The following MKLN1 variants were observed in gnomAD, a reference collection of about 807,000 sequenced individuals.
MKLN1 encodes the protein muskelin.
Under a neutral mutation model 99.0 loss-of-function variants are expected in MKLN1, and 18 were observed. That is an observed-to-expected ratio of 0.18 (90% CI 0.13 to 0.27). The LOEUF (loss-of-function observed/expected upper bound fraction) is 0.27. MKLN1 is among the 10% of genes least tolerant of loss of function. The probability of loss-of-function intolerance (pLI) is 1.00; values close to 1 mark genes in which losing one functional copy is unlikely to be tolerated. For synonymous variants in MKLN1, 288 were observed against 293.2 expected (o/e 0.98, Z 0.18); for missense variants, 621 against 875.9 (o/e 0.71, Z 3.67).
intron 3 of MKLN1, among the ~76,000 whole-genome samples, chr7:131,262,801 C>T (rs1257338603): frequency 6.6e-6 from 1 of 152,100 alleles, no homozygotes; most frequent in African/African-American, 2.4e-5. Context: ...CCACCTCGGC[C>T]TCCCAAAGTG....
intron 2 of MKLN1, among the ~76,000 whole-genome samples, chr7:131,182,407 A>G (rs1796389218): frequency 6.6e-6 from 1 of 152,238 alleles, no homozygotes; most frequent in Non-Finnish European, 1.5e-5. Flanking sequence ...TTTGGGCCCA[A>G]AGAACTAGAT....
At chr7:131,200,376 GA>G (rs1477286928) in intron 2 of MKLN1, among the ~76,000 whole-genome samples, 2 of 152,118 alleles carry the variant, frequency 1.3e-5, no homozygotes, top group African/African-American at 2.4e-5. Flanking sequence ...CAAACTCAAA[GA>G]AAACTTTGGT....
rs148202933 is a variant in MKLN1 at position 131,297,914 on chromosome 7, T to C, written c.-178-77510T>C. Among the ~76,000 whole-genome samples the C allele has an allele frequency of 4.6e-5, 7 of 152,298 alleles. No individual in the cohort carries two copies. The South Asian group carries it at 1.5e-3, about 32-fold the overall frequency. On this transcript the variant is annotated intron_variant, in intron 3 of 7. Transcript: ENST00000416992. ...GGAAAGCCCAGCAAGGGAAAAATAA[T>C]GTAATAGGAAATTTTCTTTCTCCTT...
chr7:131,127,294 A>G (rs1430625370), intron 1 of MKLN1, among the ~76,000 whole-genome samples: 1 of 152,226 alleles, frequency 6.6e-6, no homozygotes, highest in East Asian at 1.9e-4. Flanking sequence ...CAGTGTAGCC[A>G]GTGACCACTA....
At chr7:131,424,938 A>AACAGGATATTTACAGGATATTTATGTT in intron 8 of MKLN1, among the ~76,000 whole-genome samples, 1 of 152,190 alleles carries the variant, frequency 6.6e-6, no homozygotes, top group Middle Eastern at 3.4e-3. Flanking sequence ...CCTGTTATTT[A>AACAGGATATTTACAGGATATTTATGTT]ATCCCTTCCA....
In MKLN1 at chr7:131,295,139, A is replaced by AT. The variant is rs200763032; in HGVS notation, c.-178-80277dup. Among the ~76,000 whole-genome samples the AT allele has an allele frequency of 6.8e-3, 1,028 of 152,114 alleles. 11 individuals are homozygous for AT. Among genetic ancestry groups the AT allele is most frequent in the African/African-American group, 0.023 (970 of 41,508 alleles). On this transcript the variant is annotated intron_variant, in intron 3 of 7. Coordinates refer to the MKLN1 transcript ENST00000416992. ...CTATTTTGCAAGAGAGCTAAGGTTT[A>AT]TTTTTTTTAATTTTAATTTTTGCTC...
chr7:131,480,138 T>A (rs1422486644), intron 17 of MKLN1, among the ~76,000 whole-genome samples: 1 of 151,928 alleles, frequency 6.6e-6, no homozygotes, highest in Non-Finnish European at 1.5e-5. Flanking sequence ...TATGATAGCT[T>A]CATTTTTTAC....
At chr7:131,426,088 A>G (rs746196330) in intron 8 of MKLN1, among the ~76,000 whole-genome samples, 1 of 152,238 alleles carries the variant, frequency 6.6e-6, no homozygotes, top group Non-Finnish European at 1.5e-5. Context: ...TAGGAATGAC[A>G]TCTTGGCTTA....
At chr7:131,274,165 A>T (rs190703836) in intron 3 of MKLN1, among the ~76,000 whole-genome samples, 1 of 152,306 alleles carries the variant, frequency 6.6e-6, no homozygotes, top group Admixed American at 6.5e-5. Flanking sequence ...GTGCTGAAAC[A>T]TAAGTTGGGG....
chr7:131,127,168 A>C (rs1215696053), intron 1 of MKLN1, among the ~76,000 whole-genome samples: 1 of 36,416 alleles, frequency 2.7e-5, no homozygotes, highest in Non-Finnish European at 4.6e-5. Context: ...TCCATCTCAA[A>C]AAAAAAAAAA....
chr7:131,280,807 C>G (rs573794756), intron 3 of MKLN1, among the ~76,000 whole-genome samples: 1 of 152,222 alleles, frequency 6.6e-6, no homozygotes, highest in African/African-American at 2.4e-5. Context: ...CACCACCACA[C>G]CCAGCTAATT....
chr7:131,305,419 G>GCT (rs1798440727), intron 3 of MKLN1, among the ~76,000 whole-genome samples: 1 of 152,166 alleles, frequency 6.6e-6, no homozygotes, highest in Non-Finnish European at 1.5e-5. Context: ...TATTTGGGAA[G>GCT]AAATGTGATG....
intron 3 of MKLN1, among the ~76,000 whole-genome samples, chr7:131,277,643 T>C (rs898751136): frequency 1.3e-5 from 2 of 152,134 alleles, no homozygotes; most frequent in Non-Finnish European, 2.9e-5. Context: ...CTCAAACTCT[T>C]GACCTCAAGC....
intron 1 of MKLN1, among the ~76,000 whole-genome samples, chr7:131,131,559 G>A (rs1461267351): frequency 6.6e-6 from 1 of 152,116 alleles, no homozygotes; most frequent in Admixed American, 6.5e-5. Flanking sequence ...TTACAGATGA[G>A]CAAACCAAGG....
chr7:131,205,748 C>T (rs1796800393), intron 3 of MKLN1, among the ~76,000 whole-genome samples: 1 of 152,122 alleles, frequency 6.6e-6, no homozygotes. Context: ...AACCAGGAGC[C>T]ACTGGCTGCT....
In MKLN1 at chr7:131,195,388, G is replaced by A. The variant is rs184736967; in HGVS notation, c.-296-7469G>A. On this transcript the variant is annotated intron_variant, in intron 2 of 7. Coordinates refer to the MKLN1 transcript ENST00000416992. Reference sequence around the variant, plus strand: ...TAGCCAGGCATGGTGGCACGTGCCTGTAATCCCAGCTACTCAGGAGGCTGA... The same window carrying A: ...TAGCCAGGCATGGTGGCACGTGCCTATAATCCCAGCTACTCAGGAGGCTGA... 1.3e-3 allele frequency among the ~76,000 whole-genome samples: 191 copies of A among 152,112 alleles called. 1 individual carries two copies. The highest frequency in any genetic ancestry group is 4.4e-3 in the African/African-American group (181 of 41,492).
intron 3 of MKLN1, among the ~76,000 whole-genome samples, chr7:131,281,197 T>C (rs1798045979): frequency 6.6e-6 from 1 of 151,236 alleles, no homozygotes; most frequent in Non-Finnish European, 1.5e-5. Flanking sequence ...CTATGATCCA[T>C]TTTGAGTTAT....
At position 131,378,392 on chromosome 7, in the gene MKLN1, G is replaced by A. The variant is rs369370106; in HGVS notation, c.168+2899G>A. ...CACCCAAAGTGCTGGGCTTACAGGC[G>A]TGAACCATCATGCCTGGCCAGCATG... On this transcript the variant is annotated intron_variant, in intron 2 of 17. Coordinates refer to ENST00000352689, the MANE Select transcript of MKLN1 (RefSeq NM_013255.5). Among the ~76,000 whole-genome samples the A allele has an allele frequency of 6.3e-4, 96 of 152,322 alleles. 1 individual carries two copies. Among genetic ancestry groups the A allele is most frequent in the Admixed American group, 2.2e-3 (33 of 15,302 alleles).
chr7:131,354,701 CTG>C (rs1056612191), intron 1 of MKLN1, among the ~76,000 whole-genome samples: 1 of 152,008 alleles, frequency 6.6e-6, no homozygotes, highest in African/African-American at 2.4e-5. Flanking sequence ...AAGGATTTAA[CTG>C]TGTTTTCTTC....
Sources: allele counts gnomAD v4.1 joint callset (sites outside exome capture counted in the v4.1 genomes callset), GRCh38; gene constraint gnomAD v4.1.1; transcripts MANE v1.5; gene names NCBI Gene and HGNC (gene_info 2026-07-23, HGNC 2026-07-21).